Variants in RBFOX1 observed in about 807,000 individuals in gnomAD.
The protein encoded by RBFOX1 is RNA binding fox-1 homolog 1.
In RBFOX1, 8 loss-of-function variants were observed where a neutral mutation model predicts 57.7. The ratio of observed to expected loss-of-function variants is 0.14; its 90% CI spans 0.08 to 0.25. The LOEUF is 0.25. Among genes scored for constraint, RBFOX1 ranks in the 10% least tolerant of loss-of-function variants. The pLI is 1.00. For synonymous variants in RBFOX1, 326 were observed against 222.4 expected, an observed-to-expected ratio of 1.47 and a Z score of -4.15; for missense variants, 611 against 548.5, an observed-to-expected ratio of 1.11 and a Z score of -1.14.
intron 4 of RBFOX1, among the ~76,000 whole-genome samples, chr16:7,274,728 A>C (rs1337206247): frequency 6.6e-6 from 1 of 151,978 alleles, no homozygotes; most frequent in Non-Finnish European, 1.5e-5. Flanking sequence ...CCTGTCACCC[A>C]AGCTGCAGTG....
chr16:6,847,709 A>G (rs1567538738), intron 3 of RBFOX1, among the ~76,000 whole-genome samples: 3 of 152,178 alleles, frequency 2.0e-5, no homozygotes, highest in Admixed American at 2.0e-4. Flanking sequence ...CGTCAGGATT[A>G]GAGCACCCAT....
chr16:7,201,790 C>T (rs1000165436), intron 4 of RBFOX1, among the ~76,000 whole-genome samples: 1 of 152,056 alleles, frequency 6.6e-6, no homozygotes, highest in African/African-American at 2.4e-5. Context: ...CAAAGCTTAC[C>T]CAGGCTGGTA....
At chr16:5,342,821 A>G (rs534790456) in intron 1 of RBFOX1, among the ~76,000 whole-genome samples, 2 of 152,246 alleles carry the variant, frequency 1.3e-5, no homozygotes, top group African/African-American at 4.8e-5. Flanking sequence ...AGTTTTCCTT[A>G]CTATGGACAT....
chr16:7,561,315 A>T (rs1457825829), intron 5 of RBFOX1, among the ~76,000 whole-genome samples: 2 of 152,016 alleles, frequency 1.3e-5, no homozygotes. Flanking sequence ...CCAACTATTC[A>T]CTCTATGGCC....
intron 4 of RBFOX1, among the ~76,000 whole-genome samples, chr16:7,280,454 T>G (rs2095519273): frequency 1.3e-5 from 2 of 152,134 alleles, no homozygotes; most frequent in South Asian, 4.1e-4. Flanking sequence ...CCAAAGAGAA[T>G]AATAAGGTGT....
chr16:6,885,814 A>C (rs1423405215), intron 3 of RBFOX1, among the ~76,000 whole-genome samples: 1 of 152,218 alleles, frequency 6.6e-6, no homozygotes, highest in African/African-American at 2.4e-5. Context: ...TACGGGCATG[A>C]ATCACTGCAC....
In RBFOX1 at chr16:5,429,246, G is replaced by A. The variant is rs76402131; in HGVS notation, c.220-37970G>A. On this transcript the variant is annotated intron_variant, in intron 1 of 2. Transcript: ENST00000585867. ...TAAGCCAGTGACTCGGAGTGAGCTG[G>A]AGGTGGGGCAGGTATTCAGCTCTCT... 1.9e-3 allele frequency among the ~76,000 whole-genome samples: 290 copies of A among 152,300 alleles called. 2 individuals are homozygous for A. In the East Asian group the frequency reaches 0.047, roughly 25 times the overall value.
intron 1 of RBFOX1, among the ~76,000 whole-genome samples, chr16:6,167,440 T>C (rs1481332044): frequency 6.6e-6 from 1 of 152,212 alleles, no homozygotes; most frequent in Non-Finnish European, 1.5e-5. Context: ...CTGCTGTTAT[T>C]GTTATCTCTT....
chr16:6,839,416 C>T (rs933301862), intron 3 of RBFOX1, among the ~76,000 whole-genome samples: 1 of 152,244 alleles, frequency 6.6e-6, no homozygotes, highest in African/African-American at 2.4e-5. Flanking sequence ...GAAACATCGA[C>T]AGACTCAATA....
intron 4 of RBFOX1, among the ~76,000 whole-genome samples, chr16:7,400,099 A>G (rs370692159): frequency 6.6e-6 from 1 of 152,256 alleles, no homozygotes; most frequent in African/African-American, 2.4e-5. Context: ...TAGTCACCCA[A>G]CTAAGAAAGT....
intron 4 of RBFOX1, among the ~76,000 whole-genome samples, chr16:7,149,915 C>A (rs2075791646): frequency 6.6e-6 from 1 of 152,206 alleles, no homozygotes; most frequent in Non-Finnish European, 1.5e-5. Context: ...ACTCCAGCCA[C>A]ATCCCGTGGC....
chr16:6,628,606 C>T (rs186523821), intron 2 of RBFOX1, among the ~76,000 whole-genome samples: 69 of 152,140 alleles, frequency 4.5e-4, no homozygotes, highest in African/African-American at 1.6e-3. Flanking sequence ...TATCTTTCAC[C>T]CTTCAGCAGG....
chr16:7,305,199 T>G (rs1388650554), intron 4 of RBFOX1, among the ~76,000 whole-genome samples: 1 of 152,104 alleles, frequency 6.6e-6, no homozygotes, highest in Non-Finnish European at 1.5e-5. Context: ...TGTGTTTGCT[T>G]TATTTTCCAT....
At chr16:7,274,871 G>C (rs1471320677) in intron 4 of RBFOX1, among the ~76,000 whole-genome samples, 1 of 151,906 alleles carries the variant, frequency 6.6e-6, no homozygotes, top group African/African-American at 2.4e-5. Context: ...TTTTAGTAGA[G>C]AGTGGATTTT....
At chr16:5,999,561 G>T (rs2060551032) in intron 4 of RBFOX1, among the ~76,000 whole-genome samples, 3 of 152,164 alleles carry the variant, frequency 2.0e-5, no homozygotes, top group African/African-American at 7.2e-5. Context: ...AGAAGGGTTG[G>T]CCGGGCGCCG....
chr16:5,576,911 A>C (rs1200347995), intron 2 of RBFOX1, among the ~76,000 whole-genome samples: 1 of 152,254 alleles, frequency 6.6e-6, no homozygotes, highest in Non-Finnish European at 1.5e-5. Context: ...AAGTTCTCAG[A>C]GTGGCTTATT....
At chr16:5,585,335 T>C (rs2046796193) in intron 2 of RBFOX1, among the ~76,000 whole-genome samples, 1 of 152,270 alleles carries the variant, frequency 6.6e-6, no homozygotes. Context: ...GTGGAATGAC[T>C]CAGTCCTTCT....
intron 5 of RBFOX1, among the ~76,000 whole-genome samples, chr16:7,519,023 T>C (rs1402337300): frequency 2.0e-5 from 3 of 152,158 alleles, no homozygotes; most frequent in Non-Finnish European, 2.9e-5. Context: ...ACTCTGTCTC[T>C]AAATAAACAA....
At chr16:6,785,463 A>G (rs149080140) in intron 3 of RBFOX1, among the ~76,000 whole-genome samples, 7 of 152,268 alleles carry the variant, frequency 4.6e-5, no homozygotes, top group Admixed American at 3.3e-4. Context: ...AGACTAGACA[A>G]TTGGCAATAA....
Sources: gnomAD v4.1 joint callset for allele counts (sites outside exome capture counted in the v4.1 genomes callset) on GRCh38, gnomAD v4.1.1 for gene constraint, MANE v1.5 for transcripts, NCBI Gene and HGNC (gene_info 2026-07-23, HGNC 2026-07-21) for gene names.